ENPP1: variants seen among roughly 807,000 people sequenced by gnomAD.
The protein encoded by ENPP1 is ectonucleotide pyrophosphatase/phosphodiesterase 1.
A neutral mutation model predicts 122.8 loss-of-function variants in ENPP1; 73 were observed. That is an observed-to-expected ratio of 0.59 (90% confidence interval 0.49 to 0.72). ENPP1 has a LOEUF of 0.72. Among genes scored for constraint, ENPP1 ranks in the 30% least tolerant of loss-of-function variants. ENPP1 has a pLI of 0.00. For synonymous variants in ENPP1, 367 were observed against 391.6 expected (o/e 0.94, Z 0.74); for missense variants, 978 against 1,128.1 (o/e 0.87, Z 1.91).
chr6:131,871,326 A>T (rs1422522223), intron 13 of ENPP1, among the ~76,000 whole-genome samples: 1 of 152,210 alleles, frequency 6.6e-6, no homozygotes, highest in African/African-American at 2.4e-5. Context: ...ATTGATTTGT[A>T]GTAGAAAGTA....
At chr6:131,833,840 A>G (rs1781641519) in intron 1 of ENPP1, among the ~76,000 whole-genome samples, 1 of 152,246 alleles carries the variant, frequency 6.6e-6, no homozygotes, top group Non-Finnish European at 1.5e-5. Flanking sequence ...CCATCAGACC[A>G]AGAACAGAGG....
chr6:131,883,217 T>C (rs752187646), intron 21 of ENPP1, among the ~76,000 whole-genome samples: 12 of 152,192 alleles, frequency 7.9e-5, no homozygotes, highest in Non-Finnish European at 1.5e-4. Flanking sequence ...AACTTGGCTA[T>C]TGCATTATAA....
intron 24 of ENPP1, 94 bp downstream of exon 24, chr6:131,886,818 G>C: frequency 1.0e-6 from 1 of 1,002,066 alleles, no homozygotes; most frequent in Non-Finnish European, 1.4e-6. Flanking sequence ...GTGAGAGAAA[G>C]CACAACTGAG....
Position 131,826,261 on chromosome 6 carries a change from T to C in ENPP1, c.240+17986T>C, listed in dbSNP as rs926524985. Reference sequence around the variant, plus strand: ...ATCTGGTAGCATCTCACTGTTGTTGTTGGTTACAGCACAGTACTGCAAATT... The same window carrying C: ...ATCTGGTAGCATCTCACTGTTGTTGCTGGTTACAGCACAGTACTGCAAATT... On this transcript the variant is annotated intron_variant, in intron 1 of 24. Transcript: ENST00000647893. 18 of 1,101,812 alleles carry C rather than the reference T, an allele frequency of 1.6e-5. No individual in the cohort carries two copies. In the South Asian group the frequency reaches 1.7e-4, roughly 11 times the overall value. The allele number at this position is 1,101,812 out of a possible 1,614,324, so 68.3% of individuals were successfully genotyped here.
chr6:131,853,953 C>A (rs112653934), intron 5 of ENPP1, among the ~76,000 whole-genome samples: 1 of 152,100 alleles, frequency 6.6e-6, no homozygotes, highest in Non-Finnish European at 1.5e-5. Context: ...CCACACTACA[C>A]GTTAACTGTT....
chr6:131,852,489 C>T (rs1158109522), intron 5 of ENPP1, among the ~76,000 whole-genome samples: 2 of 152,044 alleles, frequency 1.3e-5, no homozygotes, highest in East Asian at 3.9e-4. Context: ...TGAGCATTTC[C>T]TTTGAGCATC....
chr6:131,811,376 A>ATATATCTATATCTATATCTATATATC (rs1781349697), intron 1 of ENPP1, among the ~76,000 whole-genome samples: 2 of 131,290 alleles, frequency 1.5e-5, no homozygotes, highest in Admixed American at 7.7e-5. Flanking sequence ...ATCTATATCT[A>ATATATCTATATCTATATCTATATATC]TATATCTATA....
Position 131,808,022 on chromosome 6 carries a change from C to A in ENPP1, c.-14C>A, listed in dbSNP as rs1253740330. 1.5e-5 allele frequency: 14 copies of A among 916,682 alleles called. No individual in the cohort carries two copies. The highest frequency in any genetic ancestry group is 1.8e-5 in the Non-Finnish European group (14 of 790,212). 56.8% of individuals were successfully genotyped at this position (916,682 alleles called of 1,614,324 possible). ...GCGCGGCCGGGCAGCGGGGCCGGAGCGGCCGGGGCCACGATGGAGCGCGAC... is the reference window on the plus strand; with the variant it reads ...GCGCGGCCGGGCAGCGGGGCCGGAGAGGCCGGGGCCACGATGGAGCGCGAC... On this transcript the variant is annotated 5_prime_UTR_variant, in exon 1 of 25. Transcript: ENST00000647893.
At chr6:131,868,205 G>A (rs560781965) in intron 12 of ENPP1, 79 bp downstream of exon 12, 1 of 1,023,806 alleles carries the variant, frequency 9.8e-7, no homozygotes, top group African/African-American at 1.6e-5. Context: ...AATTTTTTCT[G>A]AATGTTGTAG....
intron 16 of ENPP1, 53 bp from the exon 17 acceptor site, chr6:131,875,723 C>G: frequency 1.4e-6 from 2 of 1,453,178 alleles, no homozygotes; most frequent in South Asian, 1.1e-5. Flanking sequence ...TTTTTGGGAC[C>G]AACTTGTAGA....
At chr6:131,872,326 T>C (rs902289083) in intron 14 of ENPP1, among the ~76,000 whole-genome samples, 1 of 152,160 alleles carries the variant, frequency 6.6e-6, no homozygotes, top group African/African-American at 2.4e-5. Flanking sequence ...AAAATTTATA[T>C]GAGAAGAAGA....
In ENPP1 at chr6:131,847,831, C is replaced by G; in HGVS notation, c.296C>G (p.Pro99Arg). The G allele has an allele frequency of 1.9e-6, 3 of 1,606,772 alleles. No homozygotes were observed. The highest frequency in any genetic ancestry group is 2.6e-6 in the Non-Finnish European group (3 of 1,176,018). ...CTTGGTTGTATATTTGGGTTGAAAC[C>G]AAGCTGTGCCAAAGAAGGTAATTAG... is the stretch of plus-strand genomic sequence containing the variant. ...TILGCIFGLK[P>R]SCAKEVKSCK... The change falls in exon 2 of 25, where the codon CCA becomes CGA. Residue 99 changes from proline to arginine, a missense_variant. Coordinates refer to ENST00000647893, the MANE Select transcript of ENPP1 (RefSeq NM_006208.3).
chr6:131,876,169 C>G (rs1020475039), intron 17 of ENPP1, among the ~76,000 whole-genome samples: 1 of 152,092 alleles, frequency 6.6e-6, no homozygotes, highest in Non-Finnish European at 1.5e-5. Context: ...TGACTCAGAG[C>G]AGTGATAGAA....
At chr6:131,882,034 TA>T (rs933385726) in intron 20 of ENPP1, among the ~76,000 whole-genome samples, 3 of 141,622 alleles carry the variant, frequency 2.1e-5, no homozygotes, top group African/African-American at 8.9e-5. Context: ...ATAATAATAA[TA>T]AATAAATAAA....
At chr6:131,873,923 T>C (rs76770610) in intron 15 of ENPP1, among the ~76,000 whole-genome samples, 5,112 of 152,216 alleles carry the variant, frequency 0.034, 165 homozygotes, top group African/African-American at 0.081. Flanking sequence ...GGCTATATCA[T>C]TGAATTTTTA....
chr6:131,870,603 T>C (rs372579589), intron 13 of ENPP1, among the ~76,000 whole-genome samples: 8 of 152,338 alleles, frequency 5.3e-5, no homozygotes, highest in Admixed American at 2.6e-4. Flanking sequence ...TATGTTTCAA[T>C]AGATAGATAC....
At chr6:131,851,372 A>C (rs1006114506) in intron 4 of ENPP1, 105 bp downstream of exon 4, 4 of 1,414,058 alleles carry the variant, frequency 2.8e-6, no homozygotes, top group Non-Finnish European at 4.0e-6. Context: ...CTATTGGCCA[A>C]CTATATTAGC....
At chr6:131,866,800 T>C (rs190337399) in intron 11 of ENPP1, among the ~76,000 whole-genome samples, 2 of 152,300 alleles carry the variant, frequency 1.3e-5, no homozygotes, top group African/African-American at 2.4e-5. Flanking sequence ...CATGTCATAA[T>C]TGGTCAAAGG....
At chr6:131,849,278 C>G (rs1046147818) in intron 2 of ENPP1, among the ~76,000 whole-genome samples, 2 of 152,070 alleles carry the variant, frequency 1.3e-5, no homozygotes, top group Non-Finnish European at 2.9e-5. Flanking sequence ...GGTTTGCCGT[C>G]TAACTGGGAT....
Sources: allele counts gnomAD v4.1 joint callset (sites outside exome capture counted in the v4.1 genomes callset), GRCh38; gene constraint gnomAD v4.1.1; transcripts MANE v1.5; gene names NCBI Gene and HGNC (gene_info 2026-07-23, HGNC 2026-07-21).